Variants in PDE9A observed in about 807,000 individuals in gnomAD.
The protein encoded by PDE9A is phosphodiesterase 9A, also known as high affinity cGMP-specific 3',5'-cyclic phosphodiesterase 9A.
PDE9A carries 60 observed loss-of-function variants against 87.4 expected under a neutral mutation model. That is an observed-to-expected ratio of 0.69 (90% CI 0.56 to 0.85). PDE9A has a LOEUF of 0.85. PDE9A is among the 40% of genes least tolerant of loss of function. PDE9A has a pLI of 0.00. For synonymous variants in PDE9A, 272 were observed against 279.4 expected (o/e 0.97, Z 0.27); for missense variants, 665 against 779.0 (o/e 0.85, Z 1.74).
At chr21:42,707,198 T>C (rs2048914771) in intron 4 of PDE9A, among the ~76,000 whole-genome samples, 1 of 152,146 alleles carries the variant, frequency 6.6e-6, no homozygotes, top group African/African-American at 2.4e-5. Flanking sequence ...AGTCTAGCCG[T>C]CTTGAAGGGG....
chr21:42,676,069 C>T (rs963081910), intron 1 of PDE9A, among the ~76,000 whole-genome samples: 3 of 152,174 alleles, frequency 2.0e-5, no homozygotes, highest in African/African-American at 7.2e-5. Flanking sequence ...GCACGCCTCC[C>T]TTCATCATGT....
At chr21:42,664,501 G>T (rs1476898565) in intron 1 of PDE9A, among the ~76,000 whole-genome samples, 1 of 152,210 alleles carries the variant, frequency 6.6e-6, no homozygotes, top group Non-Finnish European at 1.5e-5. Context: ...AAGCAGAAAG[G>T]GCATAAAGGT....
rs1275650064 is a variant in PDE9A, at chr21:42,747,245, A to G, written c.653+3385A>G. Among the ~76,000 whole-genome samples, 10 of 141,108 alleles carry G rather than the reference A, an allele frequency of 7.1e-5. No homozygotes were observed. The East Asian group carries it at 1.7e-3, about 24-fold the overall frequency. The allele number at this position is 141,108 out of a possible 152,430, so 92.6% of individuals were successfully genotyped here. ...ATGAGAGCCCTGTAGCAATGTGGGG[A>G]CCCTGGGACCAGTCTCAGTTAAGCT... On this transcript the variant is annotated intron_variant, in intron 8 of 19. Transcript: ENST00000291539.
chr21:42,765,860 T>A (rs1183957677), intron 15 of PDE9A, among the ~76,000 whole-genome samples: 2 of 152,136 alleles, frequency 1.3e-5, no homozygotes, highest in African/African-American at 4.8e-5. Context: ...TGGGGGCAAC[T>A]CCAACACAGC....
At chr21:42,715,437 G>GTTTCA (rs1432335168) in intron 4 of PDE9A, among the ~76,000 whole-genome samples, 3 of 151,896 alleles carry the variant, frequency 2.0e-5, no homozygotes, top group Non-Finnish European at 2.9e-5. Context: ...GACCAGACTG[G>GTTTCA]CCAACATGGT....
At chr21:42,731,441 C>A (rs2146712844) in intron 4 of PDE9A, among the ~76,000 whole-genome samples, 1 of 152,256 alleles carries the variant, frequency 6.6e-6, no homozygotes, top group South Asian at 2.1e-4. Flanking sequence ...CTGACAAGGA[C>A]AGCGCTGTGA....
rs139945640 is a variant in PDE9A at position 42,759,733 on chromosome 21, C to T, written c.898-595C>T. 4.8e-4 allele frequency among the ~76,000 whole-genome samples: 68 copies of T among 141,318 alleles called. No individual in the cohort carries two copies. Among genetic ancestry groups the T allele is most frequent in the African/African-American group, 1.5e-3 (56 of 37,354 alleles). 92.7% of individuals were successfully genotyped at this position (141,318 alleles called of 152,430 possible). A position where few individuals can be genotyped will look rare whatever the true frequency, so the allele number is the denominator to read the frequency against. On this transcript the variant is annotated intron_variant, in intron 11 of 19. Transcript: ENST00000291539. This position sits in a 1 kb window ranked among gnomAD's most constrained non-coding sequence, Gnocchi z 7.2. ...GTGGGTGTGTGTGAGGGTGTGTGTGCATGTGTGTATCTGTGGATGTGAGGT... is the reference window on the plus strand; with the variant it reads ...GTGGGTGTGTGTGAGGGTGTGTGTGTATGTGTGTATCTGTGGATGTGAGGT...
At position 42,773,832 on chromosome 21, in the gene PDE9A, C is replaced by G. The variant is rs183598605; in HGVS notation, c.1768+1312C>G. ...TAAAAATAAATAAATAAGCCGGGCG[C>G]AGTGGCTCATGCCTGTAGTCCCAGC... On this transcript the variant is annotated intron_variant, in intron 19 of 19. Coordinates refer to ENST00000291539, the MANE Select transcript of PDE9A (RefSeq NM_002606.3). Among the ~76,000 whole-genome samples, 424 of 148,844 alleles carry G rather than the reference C, an allele frequency of 2.8e-3. 10 individuals carry two copies. The highest frequency in any genetic ancestry group is 0.027 in the East Asian group (133 of 4,934).
In PDE9A at chr21:42,704,749, G is replaced by T. The variant is rs921027706; in HGVS notation, c.262+5738G>T. ...GTTTCTAGACTAGCACAAGGCTCAG[G>T]GGGTGGGGGGTGGGGGCAGGGTGCA... On this transcript the variant is annotated intron_variant, in intron 4 of 19. Transcript: ENST00000291539. The surrounding 1 kb of genome is among the most constrained non-coding windows in gnomAD (Gnocchi z 5.3). Among the ~76,000 whole-genome samples the T allele has an allele frequency of 9.2e-5, 14 of 151,944 alleles. No homozygotes were observed. The highest frequency in any genetic ancestry group is 2.9e-4 in the African/African-American group (12 of 41,352).
chr21:42,740,151 G>A (rs1260982160), intron 7 of PDE9A, among the ~76,000 whole-genome samples: 4 of 152,098 alleles, frequency 2.6e-5, no homozygotes, highest in Non-Finnish European at 5.9e-5. Flanking sequence ...TAGAAAGATA[G>A]GTAGAGGCTG....
intron 4 of PDE9A, among the ~76,000 whole-genome samples, chr21:42,725,707 C>T (rs773503733): frequency 3.9e-5 from 6 of 152,200 alleles, no homozygotes; most frequent in East Asian, 1.9e-4. Context: ...TCATACTCCG[C>T]GGTATGGATG....
chr21:42,670,328 AC>A (rs1569117651), intron 1 of PDE9A, among the ~76,000 whole-genome samples: 2 of 111,832 alleles, frequency 1.8e-5, no homozygotes, highest in Non-Finnish European at 4.0e-5. Flanking sequence ...ACTCACATTC[AC>A]ACACATTCAC....
intron 4 of PDE9A, among the ~76,000 whole-genome samples, chr21:42,726,622 A>ATTT (rs1445924271): frequency 1.1e-3 from 27 of 25,216 alleles, no homozygotes; most frequent in East Asian, 1.7e-3. Flanking sequence ...ATATATATAT[A>ATTT]TATTTTTTTT....
intron 4 of PDE9A, among the ~76,000 whole-genome samples, chr21:42,719,311 A>G (rs1289476750): frequency 6.6e-6 from 1 of 151,694 alleles, no homozygotes; most frequent in Non-Finnish European, 1.5e-5. Context: ...TCTACATTAT[A>G]AGGGCACTTT....
chr21:42,725,325 C>T (rs1437295880), intron 4 of PDE9A, among the ~76,000 whole-genome samples: 2 of 152,138 alleles, frequency 1.3e-5, no homozygotes, highest in Non-Finnish European at 2.9e-5. Flanking sequence ...CCACAACCTC[C>T]GCCTCCAGGG....
rs142066952 is a variant in PDE9A, at chr21:42,680,385, C to T, written c.70-5807C>T. On this transcript the variant is annotated intron_variant, in intron 1 of 19. Coordinates refer to ENST00000291539, the MANE Select transcript of PDE9A (RefSeq NM_002606.3). Reference sequence around the variant, plus strand: ...GCAAGGCATGCGCAGGACAGCTGGCCGGCAGAGGTCCCGTGTGCTGTCATG... The same window carrying T: ...GCAAGGCATGCGCAGGACAGCTGGCTGGCAGAGGTCCCGTGTGCTGTCATG... Among the ~76,000 whole-genome samples, 297 of 152,360 alleles carry T rather than the reference C, an allele frequency of 1.9e-3. 1 individual carries two copies. Among genetic ancestry groups the T allele is most frequent in the African/African-American group, 6.8e-3 (284 of 41,590 alleles).
In PDE9A at chr21:42,716,719, A is replaced by G. The variant is rs149565590; in HGVS notation, c.263-15051A>G. ...TATGTTTTATATCTGCATACATTTT[A>G]AGCCCCATAATACAATATTATAATT... On this transcript the variant is annotated intron_variant, in intron 4 of 19. Coordinates refer to ENST00000291539, the MANE Select transcript of PDE9A (RefSeq NM_002606.3). Among the ~76,000 whole-genome samples, 876 of 148,496 alleles carry G rather than the reference A, an allele frequency of 5.9e-3. 14 individuals carry two copies. The highest frequency in any genetic ancestry group is 0.01 in the Non-Finnish European group (678 of 67,190).
intron 1 of PDE9A, among the ~76,000 whole-genome samples, chr21:42,662,794 GCACACACACACCACA>G (rs1569100164): frequency 1.1e-5 from 1 of 94,954 alleles, no homozygotes; most frequent in African/African-American, 4.7e-5. Context: ...CACACACCAA[GCACACACACACCACA>G]CACACGCACA....
At chr21:42,751,274 A>G in intron 9 of PDE9A, 77 bp downstream of exon 9, 3 of 1,049,202 alleles carry the variant, frequency 2.9e-6, no homozygotes, top group African/African-American at 1.6e-5. Context: ...CCCTGCGGCC[A>G]GACCCTGCTG....
Sources: allele counts gnomAD v4.1 joint callset (sites outside exome capture counted in the v4.1 genomes callset), GRCh38; gene constraint gnomAD v4.1.1; non-coding constraint Gnocchi (gnomAD v3.1); transcripts MANE v1.5; gene names NCBI Gene and HGNC (gene_info 2026-07-23, HGNC 2026-07-21).